GLRB: variants seen among roughly 807,000 people sequenced by gnomAD.
GLRB encodes glycine receptor subunit beta.
In GLRB, 33 loss-of-function variants were observed where a neutral mutation model predicts 54.2. That is an observed-to-expected ratio of 0.61 (90% CI 0.46 to 0.81). GLRB has a LOEUF of 0.81. Ranked by LOEUF, GLRB falls within the 40% of genes least tolerant of loss-of-function variation. The pLI, the probability that GLRB is intolerant of heterozygous loss-of-function variation, is 0.00. For missense variants in GLRB, 572 were observed against 584.6 expected (o/e 0.98, Z 0.22); for synonymous variants, 209 against 208.2 (o/e 1.00, Z -0.03).
intron 2 of GLRB, among the ~76,000 whole-genome samples, chr4:157,080,830 G>T (rs1734195105): frequency 6.6e-6 from 1 of 151,930 alleles, no homozygotes; most frequent in Admixed American, 6.6e-5. Context: ...AGCAATGTGG[G>T]TGCATAGACA....
chr4:157,160,532 T>A (rs1195412476), intron 9 of GLRB, among the ~76,000 whole-genome samples: 2 of 152,094 alleles, frequency 1.3e-5, no homozygotes, highest in Non-Finnish European at 2.9e-5. Flanking sequence ...GTATGTTGTG[T>A]CTTTGTTCTC....
Position 157,162,446 on chromosome 4 carries a change from C to G in GLRB, c.1198-7986C>G, listed in dbSNP as rs183506380. Among the ~76,000 whole-genome samples the G allele has an allele frequency of 1.5e-4, 23 of 152,296 alleles. No homozygotes were observed. In the East Asian group the frequency reaches 4.4e-3, roughly 29 times the overall value. Reference sequence around the variant, plus strand: ...TTTTAGAATTTTCAGCTTTTCTACTCTGGTTTCTCCCTATCTTTGTGGTTT... The same window carrying G: ...TTTTAGAATTTTCAGCTTTTCTACTGTGGTTTCTCCCTATCTTTGTGGTTT... On this transcript the variant is annotated intron_variant, in intron 9 of 9. Coordinates refer to ENST00000264428, the MANE Select transcript of GLRB (RefSeq NM_000824.5).
intron 8 of GLRB, among the ~76,000 whole-genome samples, chr4:157,145,177 C>G (rs527683854): frequency 8.5e-5 from 13 of 152,168 alleles, no homozygotes; most frequent in Non-Finnish European, 1.6e-4. Context: ...TCTGACATAT[C>G]CTTTAAGAAT....
In GLRB at chr4:157,136,487, T is replaced by C. The variant is rs1736403782; in HGVS notation, c.316T>C (p.Phe106Leu). Residue 106 changes from phenylalanine to leucine, a missense_variant, in exon 5 of 10, where the codon TTC becomes CTC. Phe to Leu is a conservative substitution (Grantham distance 22). Transcript: ENST00000264428. ...TCTTCAGGACTATAGAGTTAACATC[T>C]TCCTGAGACAAAAATGGAATGACCC... is the stretch of plus-strand genomic sequence containing the variant. ...ETTMDYRVNI[F>L]LRQKWNDPRL... is the part of the protein sequence containing the mutation. 6.2e-7 allele frequency: 1 copy of C among 1,603,716 alleles called. No individual in the cohort carries two copies. The highest frequency in any genetic ancestry group is 1.7e-5 in the Admixed American group (1 of 59,966).
chr4:157,123,607 G>A (rs1044255411), intron 4 of GLRB, among the ~76,000 whole-genome samples: 1 of 151,650 alleles, frequency 6.6e-6, no homozygotes, highest in Non-Finnish European at 1.5e-5. Flanking sequence ...AAATCACTAG[G>A]AGACCTTTCT....
At chr4:157,127,203 C>T (rs1363247406) in intron 4 of GLRB, among the ~76,000 whole-genome samples, 4 of 151,458 alleles carry the variant, frequency 2.6e-5, no homozygotes, top group Non-Finnish European at 2.9e-5. Context: ...CCTCAGTTTA[C>T]TATTTATATT....
intron 4 of GLRB, among the ~76,000 whole-genome samples, chr4:157,131,958 AG>A (rs1405062315): frequency 6.6e-6 from 1 of 151,848 alleles, no homozygotes; most frequent in Non-Finnish European, 1.5e-5. Flanking sequence ...ATATGGTAAA[AG>A]TATGTTTCGT....
intron 2 of GLRB, among the ~76,000 whole-genome samples, chr4:157,114,415 C>G (rs1735531986): frequency 6.6e-6 from 1 of 150,990 alleles, no homozygotes; most frequent in Non-Finnish European, 1.5e-5. Flanking sequence ...CAAGGTAGTA[C>G]AGAGAGTTCC....
intron 8 of GLRB, among the ~76,000 whole-genome samples, chr4:157,146,189 G>T (rs1397289094): frequency 6.6e-6 from 1 of 151,832 alleles, no homozygotes; most frequent in African/African-American, 2.4e-5. Context: ...GCTAATTTTT[G>T]TATTTTTAGT....
chr4:157,144,906 TA>T (rs1333174492), intron 8 of GLRB, among the ~76,000 whole-genome samples: 3 of 152,182 alleles, frequency 2.0e-5, no homozygotes, highest in African/African-American at 4.8e-5. Flanking sequence ...TTGTTTTTTT[TA>T]CATCTAATTG....
intron 8 of GLRB, among the ~76,000 whole-genome samples, chr4:157,145,432 G>A (rs17035763): frequency 0.14 from 21,653 of 152,188 alleles, 1,696 homozygotes; most frequent in South Asian, 0.28. Flanking sequence ...TTAAGAAAAT[G>A]AGTGAAAGCC....
intron 4 of GLRB, among the ~76,000 whole-genome samples, chr4:157,128,764 C>G (rs1199651846): frequency 1.3e-5 from 2 of 151,670 alleles, no homozygotes; most frequent in African/African-American, 4.8e-5. Flanking sequence ...ACTATATAAC[C>G]TAAGAGTTTT....
At chr4:157,079,851 A>T (rs1261846383) in intron 2 of GLRB, among the ~76,000 whole-genome samples, 1 of 152,106 alleles carries the variant, frequency 6.6e-6, no homozygotes, top group East Asian at 1.9e-4. Flanking sequence ...TCTTTGATGA[A>T]TGTTGGGACA....
In GLRB at chr4:157,169,884, C is replaced by T. The variant is rs1236110110; in HGVS notation, c.1198-548C>T. 3.9e-5 allele frequency among the ~76,000 whole-genome samples: 6 copies of T among 151,996 alleles called. No individual in the cohort carries two copies. The South Asian group carries it at 1.0e-3, about 26-fold the overall frequency. ...GTTGGGAATGCCTATCACTAGTAAA[C>T]GTTTGATTCATGACAATTGTGACCA... On this transcript the variant is annotated intron_variant, in intron 9 of 9. Coordinates refer to ENST00000264428, the MANE Select transcript of GLRB (RefSeq NM_000824.5).
At chr4:157,081,640 T>C (rs1039851052) in intron 2 of GLRB, among the ~76,000 whole-genome samples, 1 of 152,198 alleles carries the variant, frequency 6.6e-6, no homozygotes, top group Admixed American at 6.5e-5. Flanking sequence ...TCAATTACTA[T>C]CACTGGAATA....
intron 4 of GLRB, among the ~76,000 whole-genome samples, chr4:157,130,552 G>A (rs993707386): frequency 2.0e-5 from 3 of 151,580 alleles, no homozygotes; most frequent in Non-Finnish European, 3.0e-5. Flanking sequence ...GTTCATGCAT[G>A]CTGTAACATG....
Position 157,136,655 on chromosome 4 carries a change from C to T in GLRB, c.484C>T (p.Leu162Phe). 3 of 1,612,370 alleles carry T rather than the reference C, an allele frequency of 1.9e-6. No individual in the cohort carries two copies. The highest frequency in any genetic ancestry group is 2.5e-6 in the Non-Finnish European group (3 of 1,178,516). Residue 162 changes from leucine to phenylalanine, a missense_variant, in exon 5 of 10, where the codon CTC becomes TTC. Transcript: ENST00000264428. Reference protein sequence around the residue: ...NFHDVTQENILLFIFRDGDVL... With the variant: ...NFHDVTQENIFLFIFRDGDVL... The stretch of plus-strand genomic sequence containing the variant: ...TCATGATGTGACCCAGGAAAACATC[C>T]TCCTCTTTATTTTTCGTGATGGAGA...
rs1737083383 is a variant in GLRB, at chr4:157,152,961, A to G, written c.1148A>G (p.Lys383Arg). 2 of 1,614,056 alleles carry G rather than the reference A, an allele frequency of 1.2e-6. No individual in the cohort carries two copies. Among genetic ancestry groups the G allele is most frequent in the Non-Finnish European group, 8.5e-7 (1 of 1,179,960 alleles). The change falls in exon 9 of 10, where the codon AAG (lysine) becomes AGG (arginine). Residue 383 changes from lysine (K) to arginine (R), a missense_variant. Transcript: ENST00000264428. ...ADGKGGNVAK[K>R]NTVNGTGTPV... is the part of the protein sequence containing the mutation. ...GGAAAAGGTGGAAATGTGGCTAAAAAGAATACTGTGAATGGAACAGGGACT... is the reference window on the plus strand; with the variant it reads ...GGAAAAGGTGGAAATGTGGCTAAAAGGAATACTGTGAATGGAACAGGGACT...
At position 157,152,911 on chromosome 4, in the gene GLRB, A is replaced by T. The variant is rs777894229; in HGVS notation, c.1098A>T (p.Arg366Ser). ...NPKRVEAEKA[R>S]IAKAEQADGK... is the part of the protein sequence containing the mutation. ...AAAGGGTTGAAGCTGAAAAAGCCAG[A>T]ATTGCTAAGGCTGAGCAAGCAGATG... Residue 366 changes from arginine (R) to serine (S), a missense_variant, in exon 9 of 10, where the codon AGA becomes AGT. By Grantham distance (110) the Arg-to-Ser change is moderately radical (BLOSUM62 -1). Coordinates refer to ENST00000264428, the MANE Select transcript of GLRB (RefSeq NM_000824.5). 4 of 1,613,918 alleles carry T rather than the reference A, an allele frequency of 2.5e-6. No homozygotes were observed.
Sources: allele counts gnomAD v4.1 joint callset (sites outside exome capture counted in the v4.1 genomes callset), GRCh38; gene constraint gnomAD v4.1.1; transcripts MANE v1.5; gene names NCBI Gene and HGNC (gene_info 2026-07-23, HGNC 2026-07-21).